DECR1: variants seen among roughly 807,000 people sequenced by gnomAD.
DECR1 encodes 2,4-dienoyl-CoA reductase 1.
DECR1 carries 44 observed loss-of-function variants against 38.8 expected under a neutral mutation model. The ratio of observed to expected loss-of-function variants is 1.13; its 90% CI spans 0.89 to 1.46. The LOEUF (loss-of-function observed/expected upper bound fraction) is 1.46. Ranked by LOEUF, DECR1 falls within the 40% of genes most tolerant of loss-of-function variation. The pLI is 0.00. For missense variants in DECR1, 428 were observed against 405.5 expected (o/e 1.06, Z -0.48); for synonymous variants, 148 against 135.2 (o/e 1.09, Z -0.66).
chr8:90,019,283 G>A (rs996220188), intron 4 of DECR1, 111 bp downstream of exon 4: 8 of 856,200 alleles, frequency 9.3e-6, no homozygotes, highest in African/African-American at 6.7e-5. Context: ...AGGCAAGCCC[G>A]AATCTGGGGC....
chr8:90,044,146 C>A (rs1157602240), intron 7 of DECR1, among the ~76,000 whole-genome samples: 1 of 152,186 alleles, frequency 6.6e-6, no homozygotes, highest in Non-Finnish European at 1.5e-5. Context: ...CCAGTTGCAA[C>A]CCCTTGTCTC....
At chr8:90,037,073 A>G (rs1813636012) in intron 6 of DECR1, 133 bp downstream of exon 6, 4 of 626,736 alleles carry the variant, frequency 6.4e-6, no homozygotes, top group Middle Eastern at 5.1e-4. Flanking sequence ...TGAGACATAC[A>G]TTTTATCTCC....
rs577245237 is a variant in DECR1 at position 90,011,783 on chromosome 8, A to T, written c.70-5341A>T. On this transcript the variant is annotated intron_variant, in intron 1 of 9. Coordinates refer to ENST00000220764, the MANE Select transcript of DECR1 (RefSeq NM_001359.2). ...CTCCTTCTCCCCCTGCTTCTTTCCCAAATGAATGAGTATTTCTTTTAGATA... is the reference window on the plus strand; with the variant it reads ...CTCCTTCTCCCCCTGCTTCTTTCCCTAATGAATGAGTATTTCTTTTAGATA... Among the ~76,000 whole-genome samples the T allele has an allele frequency of 1.7e-4, 26 of 152,258 alleles. No homozygotes were observed. The South Asian group carries it at 4.8e-3, about 28-fold the overall frequency.
chr8:90,043,701 A>G (rs1399939127), intron 7 of DECR1, among the ~76,000 whole-genome samples: 2 of 152,228 alleles, frequency 1.3e-5, no homozygotes, highest in African/African-American at 2.4e-5. Context: ...AATAGAAACA[A>G]AAACTTCCTG....
intron 5 of DECR1, among the ~76,000 whole-genome samples, chr8:90,024,307 T>G (rs1813246580): frequency 6.6e-6 from 1 of 152,244 alleles, no homozygotes; most frequent in Admixed American, 6.5e-5. Context: ...TCTTCCACAA[T>G]GGTTGAACTA....
chr8:90,018,045 C>G (rs1460801572), intron 2 of DECR1, among the ~76,000 whole-genome samples: 1 of 152,140 alleles, frequency 6.6e-6, no homozygotes, highest in African/African-American at 2.4e-5. Flanking sequence ...TGCCACCACA[C>G]CTGGCTAATT....
At position 90,017,212 on chromosome 8, in the gene DECR1, C is replaced by G; in HGVS notation, c.158C>G (p.Pro53Arg). 6.2e-7 allele frequency: 1 copy of G among 1,613,972 alleles called. No individual in the cohort carries two copies. Among genetic ancestry groups the G allele is most frequent in the Admixed American group, 1.7e-5 (1 of 60,022 alleles). Residue 53 changes from proline (P) to arginine (R), a missense_variant, in exon 2 of 10, where the codon CCA (proline) becomes CGA (arginine). Coordinates refer to ENST00000220764, the MANE Select transcript of DECR1 (RefSeq NM_001359.2). ...TCACCTCTTCAAAAAGCGATGCTACCACCTAATAGTTTTCAAGGAAAAGTG... is the reference window on the plus strand; with the variant it reads ...TCACCTCTTCAAAAAGCGATGCTACGACCTAATAGTTTTCAAGGAAAAGTG... ...FFSPLQKAMLPPNSFQGKVAF... is the reference protein window; with the variant it reads ...FFSPLQKAMLRPNSFQGKVAF...
rs57505716 is a variant in DECR1, at chr8:90,013,399, G to GTTTTTTTTTTTTTTTTTTTT, written c.70-3721_70-3702dup. On this transcript the variant is annotated intron_variant, in intron 1 of 9. Transcript: ENST00000220764. Reference sequence around the variant, plus strand: ...AAATAAAAGCCTTGCCTCTTCTTTCGTTTTTTTTTTTTTTTTTTTTTTTGT... The same window carrying GTTTTTTTTTTTTTTTTTTTT: ...AAATAAAAGCCTTGCCTCTTCTTTCGTTTTTTTTTTTTTTTTTTTTTTTTTTTTTTTTTTTTTTTTTTTGT... Among the ~76,000 whole-genome samples the GTTTTTTTTTTTTTTTTTTTT allele has an allele frequency of 2.4e-4, 19 of 77,982 alleles. 1 individual carries two copies. Among genetic ancestry groups the GTTTTTTTTTTTTTTTTTTTT allele is most frequent in the East Asian group, 9.1e-4 (2 of 2,186 alleles). The allele number at this position is 77,982 out of a possible 152,430, so 51.2% of individuals were successfully genotyped here. A position where few individuals can be genotyped will look rare whatever the true frequency, so the allele number is the denominator to read the frequency against.
chr8:90,006,099 G>A, intron 1 of DECR1: 1 of 660,822 alleles, frequency 1.5e-6, no homozygotes, highest in Non-Finnish European at 2.8e-6. Flanking sequence ...CCTCCCATTA[G>A]ACCCCACCTC....
intron 1 of DECR1, among the ~76,000 whole-genome samples, chr8:90,009,292 TC>T (rs1426686317): frequency 1.3e-5 from 2 of 152,186 alleles, no homozygotes; most frequent in African/African-American, 4.8e-5. Context: ...TGTGATTCAT[TC>T]TTCTCCTTCA....
At position 90,017,234 on chromosome 8, in the gene DECR1, A is replaced by G; in HGVS notation, c.180A>G (p.Lys60=). ...TACCACCTAATAGTTTTCAAGGAAAAGTGGCATTCATTACTGGGGGAGGTA... is the reference window on the plus strand; with the variant it reads ...TACCACCTAATAGTTTTCAAGGAAAGGTGGCATTCATTACTGGGGGAGGTA... ...AMLPPNSFQG[K]VAFITGGGTG... is the part of the protein sequence containing the mutation. The change falls in exon 2 of 10, where the codon AAA becomes AAG. Residue 60 remains lysine (K), a synonymous_variant. Coordinates refer to ENST00000220764, the MANE Select transcript of DECR1 (RefSeq NM_001359.2). The G allele has an allele frequency of 6.2e-7, 1 of 1,614,198 alleles. No individual in the cohort carries two copies. The highest frequency in any genetic ancestry group is 8.5e-7 in the Non-Finnish European group (1 of 1,180,034).
chr8:90,005,334 CT>C, intron 1 of DECR1: 1 of 456,284 alleles, frequency 2.2e-6, no homozygotes, highest in Non-Finnish European at 4.4e-6. Flanking sequence ...GAGCTGATTC[CT>C]GCTGTCAAGA....
At chr8:90,038,662 A>T (rs1176192970) in intron 6 of DECR1, among the ~76,000 whole-genome samples, 3 of 151,954 alleles carry the variant, frequency 2.0e-5, no homozygotes, top group Non-Finnish European at 1.5e-5. Flanking sequence ...TTCCTCCATT[A>T]ACGTAACATT....
At chr8:90,028,367 A>G (rs1227379499) in intron 5 of DECR1, among the ~76,000 whole-genome samples, 1 of 152,130 alleles carries the variant, frequency 6.6e-6, no homozygotes, top group African/African-American at 2.4e-5. Flanking sequence ...ATCTAGATAA[A>G]ACTATTTTTC....
intron 8 of DECR1, among the ~76,000 whole-genome samples, chr8:90,050,022 T>G (rs1814031703): frequency 6.6e-6 from 1 of 152,188 alleles, no homozygotes; most frequent in Non-Finnish European, 1.5e-5. Flanking sequence ...ATACAAAAAT[T>G]AATTCAAGAT....
In DECR1 at chr8:90,045,139, T is replaced by C. The variant is rs1813860516; in HGVS notation, c.885+144T>C. On this transcript the variant is annotated intron_variant, in intron 8 of 9. Coordinates refer to ENST00000220764, the MANE Select transcript of DECR1 (RefSeq NM_001359.2). ...GTTGTAAATAATATAAAATATTATA[T>C]ATATTGTTTAGCCTATGACATTTAT... 3 of 624,584 alleles carry C rather than the reference T, an allele frequency of 4.8e-6. No individual in the cohort carries two copies. The South Asian group carries it at 7.0e-5, about 15-fold the overall frequency. The allele number at this position is 624,584 out of a possible 1,614,324, so 38.7% of individuals were successfully genotyped here.
At position 90,019,095 on chromosome 8, in the gene DECR1, A is replaced by G; in HGVS notation, c.340A>G (p.Ile114Val). ...SSQTGNKVHAIQCDVRDPDMV... is the reference protein window; with the variant it reads ...SSQTGNKVHAVQCDVRDPDMV... ...TTTTGTTATTTTGCAGGTTCATGCA[A>G]TTCAGTGTGATGTGAGGGATCCTGA... The change falls in exon 4 of 10, where the codon ATT becomes GTT. Residue 114 changes from isoleucine to valine, a missense_variant. Transcript: ENST00000220764. 1 of 1,614,120 alleles carries G rather than the reference A, an allele frequency of 6.2e-7. No homozygotes were observed. Among genetic ancestry groups the G allele is most frequent in the Non-Finnish European group, 8.5e-7 (1 of 1,179,976 alleles).
rs57505716 is a variant in DECR1 at position 90,013,399 on chromosome 8, G to GTTTTTTTTTTT, written c.70-3712_70-3702dup. On this transcript the variant is annotated intron_variant, in intron 1 of 9. Transcript: ENST00000220764. Reference sequence around the variant, plus strand: ...AAATAAAAGCCTTGCCTCTTCTTTCGTTTTTTTTTTTTTTTTTTTTTTTGT... The same window carrying GTTTTTTTTTTT: ...AAATAAAAGCCTTGCCTCTTCTTTCGTTTTTTTTTTTTTTTTTTTTTTTTTTTTTTTTTTGT... Among the ~76,000 whole-genome samples the GTTTTTTTTTTT allele has an allele frequency of 8.5e-4, 66 of 77,988 alleles. 1 individual carries two copies. The highest frequency in any genetic ancestry group is 4.1e-3 in the East Asian group (9 of 2,186). The allele number at this position is 77,988 out of a possible 152,430, so 51.2% of individuals were successfully genotyped here.
chr8:90,037,448 C>CTTTT (rs538084218), intron 6 of DECR1, among the ~76,000 whole-genome samples: 1 of 137,274 alleles, frequency 7.3e-6, no homozygotes, highest in Admixed American at 7.3e-5. Flanking sequence ...AGTATAACTG[C>CTTTT]TTTTTTTTTT....
Sources: gnomAD v4.1 joint callset for allele counts (sites outside exome capture counted in the v4.1 genomes callset) on GRCh38, gnomAD v4.1.1 for gene constraint, MANE v1.5 for transcripts, NCBI Gene and HGNC (gene_info 2026-07-23, HGNC 2026-07-21) for gene names.